The following OPN3 variants were observed in gnomAD, a reference collection of about 807,000 sequenced individuals.
The protein encoded by OPN3 is opsin-3.
OPN3 carries 29 observed loss-of-function variants against 33.8 expected under a neutral mutation model. That is an observed-to-expected ratio of 0.86 (90% CI 0.64 to 1.17). The LOEUF (loss-of-function observed/expected upper bound fraction) is 1.17, where lower values mean the gene tolerates loss of function less well. Among genes scored for constraint, OPN3 ranks in the 50% most tolerant of loss-of-function variants. OPN3 has a pLI of 0.00. For synonymous variants in OPN3, 216 were observed against 216.1 expected (o/e 1.00, Z 0.00); for missense variants, 437 against 514.1 (o/e 0.85, Z 1.45).
chr1:241,606,393 A>C (rs892458236), intron 1 of OPN3, among the ~76,000 whole-genome samples: 4 of 151,840 alleles, frequency 2.6e-5, no homozygotes, highest in African/African-American at 9.7e-5. Context: ...AAAATACAAA[A>C]TATTAGCTGG....
At chr1:241,634,539 C>G (rs79951803) in intron 1 of OPN3, 1 of 1,613,890 alleles carries the variant, frequency 6.2e-7, no homozygotes, top group East Asian at 2.2e-5. Flanking sequence ...TTGTCGACTA[C>G]AAAGCATTGT....
At chr1:241,608,454 TA>T (rs917105495) in intron 1 of OPN3, among the ~76,000 whole-genome samples, 3 of 151,728 alleles carry the variant, frequency 2.0e-5, no homozygotes, top group Non-Finnish European at 4.4e-5. Context: ...AGAGAGACAA[TA>T]AAAAAACAAA....
intron 1 of OPN3, among the ~76,000 whole-genome samples, chr1:241,638,094 C>T (rs186606764): frequency 0.018 from 2,741 of 152,270 alleles, 38 homozygotes; most frequent in Non-Finnish European, 0.028. Context: ...ACTTGCCCCC[C>T]AGGGCTTAAG....
At chr1:241,607,641 AAAG>A (rs1408302557) in intron 1 of OPN3, among the ~76,000 whole-genome samples, 4 of 151,208 alleles carry the variant, frequency 2.6e-5, no homozygotes, top group Middle Eastern at 3.4e-3. Context: ...AAAAAGGAAG[AAAG>A]AAGAAAGAAG....
rs1398533520 is a variant in OPN3, at chr1:241,593,810, A to G, written c.*618T>C. 1 of 154,066 alleles carries G rather than the reference A, an allele frequency of 6.5e-6. No individual in the cohort carries two copies. Among genetic ancestry groups the G allele is most frequent in the Non-Finnish European group, 1.4e-5 (1 of 69,252 alleles). The allele number at this position is 154,066 out of a possible 1,614,324, so 9.5% of individuals were successfully genotyped here. A position where few individuals can be genotyped will look rare whatever the true frequency, so the allele number is the denominator to read the frequency against. On this transcript the variant is annotated 3_prime_UTR_variant, in exon 4 of 4. Transcript: ENST00000366554. ...GTAGGGGCAGCAATTTGGGGGAAGC[A>G]AATATATGGGAGTTTGCCTTGTAGA...
intron 1 of OPN3, among the ~76,000 whole-genome samples, chr1:241,638,665 A>G (rs921816117): frequency 1.4e-4 from 22 of 152,302 alleles, no homozygotes; most frequent in African/African-American, 5.3e-4. Flanking sequence ...TGTTTGTTCA[A>G]ATGAAATTAT....
In OPN3 at chr1:241,620,657, T is replaced by C. The variant is rs115112771; in HGVS notation, c.374-16078A>G. On this transcript the variant is annotated intron_variant, in intron 1 of 3. Transcript: ENST00000366554. ...CCACCCACTTTAGGGTATTTTGTTA[T>C]AGCAGCTTGAACTAACACATTAATA... Among the ~76,000 whole-genome samples, 222 of 152,368 alleles carry C rather than the reference T, an allele frequency of 1.5e-3. 1 individual carries two copies. The highest frequency in any genetic ancestry group is 2.6e-3 in the Non-Finnish European group (178 of 68,038).
chr1:241,604,932 G>A (rs984716278), intron 1 of OPN3, among the ~76,000 whole-genome samples: 1 of 151,870 alleles, frequency 6.6e-6, no homozygotes, highest in African/African-American at 2.4e-5. Flanking sequence ...CCATACGCCT[G>A]TGGTCCCAGC....
chr1:241,623,745 C>A (rs1301371358), intron 1 of OPN3, among the ~76,000 whole-genome samples: 1 of 152,140 alleles, frequency 6.6e-6, no homozygotes, highest in East Asian at 1.9e-4. Flanking sequence ...TCAAATTGTT[C>A]TCTGCCTCTT....
chr1:241,638,230 A>C (rs1228000947), intron 1 of OPN3, among the ~76,000 whole-genome samples: 5 of 152,196 alleles, frequency 3.3e-5, no homozygotes, highest in African/African-American at 1.2e-4. Flanking sequence ...TGAACTTAGA[A>C]AATCACTGGG....
intron 3 of OPN3, among the ~76,000 whole-genome samples, chr1:241,595,853 T>A (rs1663491312): frequency 6.6e-6 from 1 of 152,276 alleles, no homozygotes; most frequent in African/African-American, 2.4e-5. Flanking sequence ...TTTGGTTAAG[T>A]GTTAAAGATA....
chr1:241,604,547 C>G lies in OPN3; in HGVS notation c.406G>C (p.Ala136Pro). 1 of 1,613,262 alleles carries G rather than the reference C, an allele frequency of 6.2e-7. No individual in the cohort carries two copies. The highest frequency in any genetic ancestry group is 8.5e-7 in the Non-Finnish European group (1 of 1,179,420). Residue 136 changes from alanine (A) to proline (P), a missense_variant, in exon 2 of 4, where the codon GCC becomes CCC. Ala to Pro is a conservative substitution (Grantham distance 27). Transcript: ENST00000366554. ...ACCACGCGAATGTAACGTTCATAGG[C>G]CAGCACGGTTAGGGTGGCAATGGAA... The part of the protein sequence containing the change: ...IVSIATLTVL[A>P]YERYIRVVHA...
chr1:241,617,579 TGA>T (rs1664166608), intron 1 of OPN3, among the ~76,000 whole-genome samples: 1 of 152,230 alleles, frequency 6.6e-6, no homozygotes, highest in East Asian at 1.9e-4. Flanking sequence ...ATAACAACAC[TGA>T]TTCCATTTAA....
intron 2 of OPN3, among the ~76,000 whole-genome samples, chr1:241,598,270 A>G (rs1254031490): frequency 1.3e-5 from 2 of 152,092 alleles, no homozygotes; most frequent in African/African-American, 4.8e-5. Context: ...TCTCTTATTT[A>G]CTTAATAAGA....
chr1:241,630,384 A>G (rs1664583899), intron 1 of OPN3: 1 of 152,022 alleles, frequency 6.6e-6, no homozygotes, highest in Non-Finnish European at 1.5e-5. Context: ...ACTTTCTTTA[A>G]AAGTCTCATA....
At chr1:241,610,176 T>C (rs964801717) in intron 1 of OPN3, among the ~76,000 whole-genome samples, 1 of 152,224 alleles carries the variant, frequency 6.6e-6, no homozygotes. Flanking sequence ...ATACACACCA[T>C]GCCCAGGCTG....
chr1:241,633,583 A>G (rs774776362), intron 1 of OPN3: 18 of 589,904 alleles, frequency 3.1e-5, no homozygotes, highest in Non-Finnish European at 5.2e-5. Flanking sequence ...CATATAGCCC[A>G]TTCTAAACAA....
intron 1 of OPN3, chr1:241,631,933 G>A (rs1031977852): frequency 2.0e-5 from 3 of 152,032 alleles, no homozygotes; most frequent in Non-Finnish European, 2.9e-5. Context: ...CAAAAGGCTG[G>A]GTCCCCATGT....
At chr1:241,633,881 C>T (rs765054000) in intron 1 of OPN3, 2 of 1,613,822 alleles carry the variant, frequency 1.2e-6, no homozygotes, top group South Asian at 1.1e-5. Flanking sequence ...ATTATTGGTT[C>T]CAGGAGCCTC....
Sources: allele counts gnomAD v4.1 joint callset (sites outside exome capture counted in the v4.1 genomes callset), GRCh38; gene constraint gnomAD v4.1.1; transcripts MANE v1.5; gene names NCBI Gene and HGNC (gene_info 2026-07-23, HGNC 2026-07-21).